The following RIMKLB variants were observed in gnomAD, a reference collection of about 807,000 sequenced individuals.
The protein encoded by RIMKLB is ribosomal modification protein rimK like family member B.
Under a neutral mutation model 32.0 loss-of-function variants are expected in RIMKLB, and 7 were observed. That is an observed-to-expected ratio of 0.22 (90% CI 0.12 to 0.41). The LOEUF is 0.41. RIMKLB is among the 10% of genes least tolerant of loss of function. The pLI is 1.00. For missense variants in RIMKLB, 289 were observed against 498.7 expected (o/e 0.58, Z 4.00); for synonymous variants, 172 against 185.1 (o/e 0.93, Z 0.57).
chr12:8,780,840 C>T (rs1950984976), downstream of RIMKLB: 1 of 152,102 alleles, frequency 6.6e-6, no homozygotes, highest in African/African-American at 2.4e-5. Flanking sequence ...GCCTGTAGGT[C>T]CTTGCCTTAA....
At chr12:8,781,441 C>T (rs192490660), downstream of RIMKLB, among the ~76,000 whole-genome samples, 90 of 152,304 alleles carry the variant, frequency 5.9e-4, no homozygotes, top group Middle Eastern at 6.8e-3. Flanking sequence ...CTGAGGGTGG[C>T]GTGATCTCTT....
At chr12:8,690,679 C>T (rs998826710) in intron 1 of RIMKLB, among the ~76,000 whole-genome samples, 4 of 152,202 alleles carry the variant, frequency 2.6e-5, no homozygotes, top group African/African-American at 9.7e-5. Context: ...AATCCCAACA[C>T]TTTGGAAGGC....
chr12:8,775,415 T>C lies in RIMKLB; in HGVS notation c.*1631T>C. On this transcript the variant is annotated 3_prime_UTR_variant, in exon 6 of 6. Coordinates refer to ENST00000535829, the MANE Select transcript of RIMKLB (RefSeq NM_001297776.2). ...ATCCCATTGATGGGTTTGGATGGTATGTTAAGAAATGGAGATGCTGCAGAG... is the reference window on the plus strand; with the variant it reads ...ATCCCATTGATGGGTTTGGATGGTACGTTAAGAAATGGAGATGCTGCAGAG... 2.0e-6 allele frequency: 2 copies of C among 985,502 alleles called. No homozygotes were observed. Among genetic ancestry groups the C allele is most frequent in the Non-Finnish European group, 2.4e-6 (2 of 829,882 alleles). The allele number at this position is 985,502 out of a possible 1,614,324, so 61.0% of individuals were successfully genotyped here.
At chr12:8,693,256 T>C (rs1942783657), upstream of RIMKLB, among the ~76,000 whole-genome samples, 2 of 152,212 alleles carry the variant, frequency 1.3e-5, no homozygotes, top group Non-Finnish European at 2.9e-5. Flanking sequence ...TGGGGTTGAC[T>C]GGACCTGGGT....
chr12:8,706,444 C>CTTT lies in RIMKLB; in HGVS notation c.-56-7349_-56-7347dup, dbSNP rs1199005342. ...ACAGGTGTGAGCCACCACGCCTGGA[C>CTTT]TTTTTTTTTTTTTTTTTTTTCCTGA... On this transcript the variant is annotated intron_variant, in intron 1 of 5. Coordinates refer to ENST00000535829, the MANE Select transcript of RIMKLB (RefSeq NM_001297776.2). 7.5e-4 allele frequency among the ~76,000 whole-genome samples: 71 copies of CTTT among 95,208 alleles called. 2 individuals carry two copies. The highest frequency in any genetic ancestry group is 2.7e-3 in the African/African-American group (65 of 24,406). 62.5% of individuals were successfully genotyped at this position (95,208 alleles called of 152,430 possible).
intron 5 of RIMKLB, among the ~76,000 whole-genome samples, chr12:8,771,050 C>T (rs143703713): frequency 9.8e-4 from 150 of 152,320 alleles, no homozygotes; most frequent in African/African-American, 1.7e-3. Context: ...TGCCCTCCCA[C>T]GGCTTGCCAC....
At chr12:8,709,055 A>G (rs889628731) in intron 1 of RIMKLB, among the ~76,000 whole-genome samples, 1 of 152,192 alleles carries the variant, frequency 6.6e-6, no homozygotes, top group African/African-American at 2.4e-5. Context: ...GTACTCATCT[A>G]TACTATATGT....
At chr12:8,719,155 C>T (rs937630312) in intron 2 of RIMKLB, among the ~76,000 whole-genome samples, 1 of 152,140 alleles carries the variant, frequency 6.6e-6, no homozygotes, top group African/African-American at 2.4e-5. Context: ...TGGCACTGTG[C>T]AGTATGTAGT....
upstream of RIMKLB, among the ~76,000 whole-genome samples, chr12:8,678,140 T>A (rs78652560): frequency 9.0e-3 from 1,356 of 151,474 alleles, 18 homozygotes; most frequent in African/African-American, 0.029. Context: ...CTTCAAAAGC[T>A]CAGAAGTCTT....
upstream of RIMKLB, among the ~76,000 whole-genome samples, chr12:8,694,152 G>A (rs900694170): frequency 8.6e-5 from 13 of 152,016 alleles, no homozygotes; most frequent in African/African-American, 3.1e-4. Flanking sequence ...AGAATCACTT[G>A]AACCTGGGAG....
At position 8,735,147 on chromosome 12, in the gene RIMKLB, G is replaced by C. The variant is rs930968155; in HGVS notation, c.176-14715G>C. Reference sequence around the variant, plus strand: ...AAATTTTGTTTTCCTTGGTCAGAGAGCTGCAGAATATTTGGTAATGATGTC... The same window carrying C: ...AAATTTTGTTTTCCTTGGTCAGAGACCTGCAGAATATTTGGTAATGATGTC... On this transcript the variant is annotated intron_variant, in intron 2 of 5. Coordinates refer to ENST00000535829, the MANE Select transcript of RIMKLB (RefSeq NM_001297776.2). Among the ~76,000 whole-genome samples the C allele has an allele frequency of 2.6e-5, 4 of 152,186 alleles. No individual in the cohort carries two copies. In the East Asian group the frequency reaches 7.7e-4, roughly 29 times the overall value.
chr12:8,740,936 G>A (rs1947451017), intron 2 of RIMKLB, among the ~76,000 whole-genome samples: 1 of 151,934 alleles, frequency 6.6e-6, no homozygotes, highest in Non-Finnish European at 1.5e-5. Flanking sequence ...TAGCCAGGCG[G>A]GGTGGCTCAC....
At chr12:8,759,321 GGAGGTA>G (rs1433036239) in intron 5 of RIMKLB, among the ~76,000 whole-genome samples, 1 of 152,154 alleles carries the variant, frequency 6.6e-6, no homozygotes, top group East Asian at 1.9e-4. Context: ...CTTGAACCTG[GGAGGTA>G]GAGGTTGCAG....
At position 8,775,388 on chromosome 12, in the gene RIMKLB, TAATCCC is replaced by T; in HGVS notation, c.*1606_*1611del. The T allele has an allele frequency of 1.0e-6, 1 of 985,464 alleles. No individual in the cohort carries two copies. Among genetic ancestry groups the T allele is most frequent in the African/African-American group, 1.7e-5 (1 of 57,360 alleles). 61.0% of individuals were successfully genotyped at this position (985,464 alleles called of 1,614,324 possible). On this transcript the variant is annotated 3_prime_UTR_variant, in exon 6 of 6. Transcript: ENST00000535829. The stretch of plus-strand genomic sequence containing the variant: ...TGAGCCTTTAAAACATGGGTAAAAC[TAATCCC>T]ATTGATGGGTTTGGATGGTATGTTA...
chr12:8,702,278 C>T (rs748892635), intron 1 of RIMKLB, among the ~76,000 whole-genome samples: 9 of 152,154 alleles, frequency 5.9e-5, no homozygotes, highest in South Asian at 2.1e-4. Flanking sequence ...ATCAGTTATC[C>T]GAGCAGTGTC....
At chr12:8,741,624 C>T (rs748336832) in intron 2 of RIMKLB, among the ~76,000 whole-genome samples, 1 of 150,426 alleles carries the variant, frequency 6.6e-6, no homozygotes, top group Admixed American at 6.6e-5. Context: ...ACTAAAAATC[C>T]AAAAAATTAG....
chr12:8,698,825 G>A (rs1943116298), intron 1 of RIMKLB, among the ~76,000 whole-genome samples: 1 of 152,034 alleles, frequency 6.6e-6, no homozygotes, highest in African/African-American at 2.4e-5. Flanking sequence ...TTTAGAGAGT[G>A]TGACAGTCAT....
intron 2 of RIMKLB, among the ~76,000 whole-genome samples, chr12:8,719,245 C>T (rs1280642340): frequency 2.0e-5 from 3 of 152,138 alleles, no homozygotes; most frequent in African/African-American, 4.8e-5. Flanking sequence ...GAGCTCATTT[C>T]TTCTATTGTA....
chr12:8,716,858 GCT>G (rs1944905667), intron 2 of RIMKLB, among the ~76,000 whole-genome samples: 1 of 149,200 alleles, frequency 6.7e-6, no homozygotes, highest in Non-Finnish European at 1.5e-5. Context: ...CACCTCAGTA[GCT>G]CTTTCTTTTT....
Sources: gnomAD v4.1 joint callset for allele counts (sites outside exome capture counted in the v4.1 genomes callset) on GRCh38, gnomAD v4.1.1 for gene constraint, MANE v1.5 for transcripts, NCBI Gene and HGNC (gene_info 2026-07-23, HGNC 2026-07-21) for gene names.